The following MPP7 variants were observed in gnomAD, a reference collection of about 807,000 sequenced individuals.
MPP7 encodes MAGUK p55 scaffold protein 7.
Under a neutral mutation model 76.5 loss-of-function variants are expected in MPP7, and 60 were observed. That is an observed-to-expected ratio of 0.78 (90% CI 0.64 to 0.97). MPP7 has a LOEUF of 0.97. MPP7 is among the 50% of genes least tolerant of loss of function. The pLI, the probability that MPP7 is intolerant of heterozygous loss-of-function variation, is 0.00. For synonymous variants in MPP7, 237 were observed against 244.5 expected (o/e 0.97, Z 0.29); for missense variants, 641 against 694.0 (o/e 0.92, Z 0.86).
intron 5 of MPP7, among the ~76,000 whole-genome samples, chr10:28,138,607 T>G (rs1835419165): frequency 6.6e-6 from 1 of 152,224 alleles, no homozygotes; most frequent in South Asian, 2.1e-4. Context: ...AGTTCTCCAG[T>G]GACACTATTG....
intron 2 of MPP7, among the ~76,000 whole-genome samples, chr10:28,205,302 T>C (rs1837915700): frequency 1.3e-5 from 2 of 152,294 alleles, no homozygotes; most frequent in East Asian, 1.9e-4. Flanking sequence ...TGGCCATGCA[T>C]AAAATGGGGC....
At chr10:28,277,363 C>G (rs1390478127) in intron 1 of MPP7, among the ~76,000 whole-genome samples, 1 of 130,332 alleles carries the variant, frequency 7.7e-6, no homozygotes, top group African/African-American at 2.8e-5. Context: ...AGCTGACGAG[C>G]AAAAAAAAAA....
At chr10:28,269,980 A>T in intron 1 of MPP7, among the ~76,000 whole-genome samples, 1 of 152,184 alleles carries the variant, frequency 6.6e-6, no homozygotes, top group East Asian at 1.9e-4. Flanking sequence ...ACCTGGTTTT[A>T]CTGGTTCTCT....
At chr10:28,058,406 C>T (rs913134437) in intron 15 of MPP7, 89 bp downstream of exon 15, 51 of 620,076 alleles carry the variant, frequency 8.2e-5, no homozygotes, top group Non-Finnish European at 1.2e-4. Context: ...AGTGAGTTGA[C>T]TTCATATTAT....
chr10:28,227,620 A>G (rs1050588514), intron 2 of MPP7, among the ~76,000 whole-genome samples: 1 of 152,042 alleles, frequency 6.6e-6, no homozygotes, highest in African/African-American at 2.4e-5. Context: ...TCCAGCTCCA[A>G]CCATGTCCCT....
intron 3 of MPP7, among the ~76,000 whole-genome samples, chr10:28,188,403 A>G (rs193228505): frequency 6.6e-6 from 1 of 152,310 alleles, no homozygotes; most frequent in Admixed American, 6.5e-5. Flanking sequence ...TTATTAAGGT[A>G]AAGGGGTAGG....
chr10:28,170,282 G>A (rs952421152), intron 3 of MPP7, among the ~76,000 whole-genome samples: 15 of 152,086 alleles, frequency 9.9e-5, no homozygotes, highest in Non-Finnish European at 1.9e-4. Context: ...TCCAGTTCTA[G>A]AAAGCATGTA....
chr10:28,290,882 T>C (rs76322149), intron 1 of MPP7, among the ~76,000 whole-genome samples: 2,308 of 152,286 alleles, frequency 0.015, 37 homozygotes, highest in East Asian at 0.071. Flanking sequence ...AATTGAACTG[T>C]TTTTATTTGA....
chr10:28,252,238 A>T (rs1839638014), intron 1 of MPP7, among the ~76,000 whole-genome samples: 1 of 152,210 alleles, frequency 6.6e-6, no homozygotes, highest in South Asian at 2.1e-4. Context: ...CTTAAGATCA[A>T]TTTCACTTCC....
chr10:28,091,966 T>C (rs894269048), intron 11 of MPP7, among the ~76,000 whole-genome samples: 10 of 152,202 alleles, frequency 6.6e-5, no homozygotes, highest in Non-Finnish European at 4.4e-5. Flanking sequence ...GATTTTGGTA[T>C]CCAAGGGGGT....
chr10:28,087,405 C>CT (rs1305165850), intron 12 of MPP7, among the ~76,000 whole-genome samples: 6 of 151,600 alleles, frequency 4.0e-5, no homozygotes, highest in Admixed American at 1.3e-4. Flanking sequence ...TTCTTTCTTT[C>CT]TTTTTTTAAT....
At chr10:28,201,989 G>A (rs1837786387) in intron 3 of MPP7, among the ~76,000 whole-genome samples, 164 bp downstream of exon 3, 1 of 152,184 alleles carries the variant, frequency 6.6e-6, no homozygotes, top group Non-Finnish European at 1.5e-5. Flanking sequence ...AATCATCTAT[G>A]TATTTTTGGT....
chr10:28,169,326 T>TAAA (rs369848117), intron 3 of MPP7, among the ~76,000 whole-genome samples: 18,012 of 148,668 alleles, frequency 0.12, 1,732 homozygotes, highest in African/African-American at 0.27. Context: ...CCCTGTCTCT[T>TAAA]AAAAAAAAAA....
chr10:28,316,777 G>A (rs1025399538), intron 2 of MPP7, among the ~76,000 whole-genome samples: 1 of 152,220 alleles, frequency 6.6e-6, no homozygotes, highest in Non-Finnish European at 1.5e-5. Context: ...GACTTGAGTA[G>A]GAAAAGTTAA....
At chr10:28,206,847 T>C (rs1290987608) in intron 2 of MPP7, among the ~76,000 whole-genome samples, 1 of 152,176 alleles carries the variant, frequency 6.6e-6, no homozygotes, top group Non-Finnish European at 1.5e-5. Flanking sequence ...TCTTTAACGT[T>C]GGCAAATGTG....
intron 2 of MPP7, among the ~76,000 whole-genome samples, chr10:28,207,033 C>T (rs1017279826): frequency 1.3e-5 from 2 of 152,038 alleles, no homozygotes; most frequent in African/African-American, 4.8e-5. Flanking sequence ...GAACAATGTG[C>T]CTTCTCCATT....
intron 3 of MPP7, among the ~76,000 whole-genome samples, chr10:28,164,600 C>T (rs1190899132): frequency 6.6e-6 from 1 of 152,056 alleles, no homozygotes; most frequent in East Asian, 1.9e-4. Flanking sequence ...CCAAGAGTGT[C>T]CAACCTGTGG....
intron 2 of MPP7, among the ~76,000 whole-genome samples, chr10:28,226,478 C>T (rs1202005397): frequency 6.6e-6 from 1 of 152,126 alleles, no homozygotes; most frequent in African/African-American, 2.4e-5. Context: ...AACTTCTGAC[C>T]TCAGGTGATC....
chr10:28,125,165 C>A, intron 6 of MPP7, 74 bp from the exon 7 acceptor site: 3 of 1,233,640 alleles, frequency 2.4e-6, no homozygotes, highest in Non-Finnish European at 2.3e-6. Flanking sequence ...GAAATAAGGA[C>A]ATTCATCTGA....
Sources: gnomAD v4.1 joint callset for allele counts (sites outside exome capture counted in the v4.1 genomes callset) on GRCh38, gnomAD v4.1.1 for gene constraint, MANE v1.5 for transcripts, NCBI Gene and HGNC (gene_info 2026-07-23, HGNC 2026-07-21) for gene names.